The following PTPRK variants were observed in gnomAD, a reference collection of about 807,000 sequenced individuals.
PTPRK encodes the protein protein tyrosine phosphatase receptor type K.
Under a neutral mutation model 178.0 loss-of-function variants are expected in PTPRK, and 75 were observed. That is an observed-to-expected ratio of 0.42 (90% CI 0.35 to 0.51). The LOEUF (loss-of-function observed/expected upper bound fraction) is 0.51. PTPRK is among the 20% of genes least tolerant of loss of function. The pLI is 0.02. For missense variants in PTPRK, 1,441 were observed against 1,797.8 expected (o/e 0.80, Z 3.59); for synonymous variants, 637 against 620.6 (o/e 1.03, Z -0.39).
chr6:128,253,755 A>C (rs971478969), intron 3 of PTPRK, among the ~76,000 whole-genome samples: 1 of 152,226 alleles, frequency 6.6e-6, no homozygotes, highest in Non-Finnish European at 1.5e-5. Context: ...AATAGCTTTA[A>C]TTTATGCTTA....
intron 3 of PTPRK, among the ~76,000 whole-genome samples, chr6:128,268,668 C>T (rs369280191): frequency 3.3e-5 from 5 of 152,154 alleles, no homozygotes; most frequent in African/African-American, 1.2e-4. Flanking sequence ...ATTTGTTTTA[C>T]AATCTCTAAA....
intron 7 of PTPRK, among the ~76,000 whole-genome samples, chr6:128,170,517 C>A (rs1344924386): frequency 6.6e-6 from 1 of 151,966 alleles, no homozygotes; most frequent in Middle Eastern, 3.2e-3. Flanking sequence ...CTAAATCAAT[C>A]ACTTTATTTA....
chr6:128,082,710 T>C, intron 9 of PTPRK, 72 bp from the exon 10 acceptor site: 1 of 1,196,114 alleles, frequency 8.4e-7, no homozygotes, highest in Non-Finnish European at 1.2e-6. Context: ...TCTGTATAAA[T>C]AAGGTAGTAT....
At chr6:128,237,868 T>TA (rs1813581163) in intron 5 of PTPRK, 1 of 194,686 alleles carries the variant, frequency 5.1e-6, no homozygotes, top group African/African-American at 2.4e-5. Flanking sequence ...GCAAGTTTTT[T>TA]AAGTCACTGC....
chr6:128,010,939 C>T (rs13219424), intron 13 of PTPRK, among the ~76,000 whole-genome samples: 38,709 of 150,808 alleles, frequency 0.26, 5,974 homozygotes, highest in East Asian at 0.4. Context: ...AACAGAGATA[C>T]CTTAAGGCTT....
Position 128,240,657 on chromosome 6 carries a change from T to C in PTPRK, c.578-507A>G, listed in dbSNP as rs1431151445. ...AAAAACATCAATAGTTATAACCCTC[T>C]ACAGCACTTCAAAGAACAAGGGAAT... On this transcript the variant is annotated intron_variant, in intron 4 of 29. Coordinates refer to ENST00000368226, the MANE Select transcript of PTPRK (RefSeq NM_002844.4). 2.0e-5 allele frequency among the ~76,000 whole-genome samples: 3 copies of C among 152,200 alleles called. No homozygotes were observed. In the South Asian group the frequency reaches 6.2e-4, roughly 31 times the overall value.
At chr6:128,436,697 T>C (rs925085061) in intron 1 of PTPRK, among the ~76,000 whole-genome samples, 2 of 152,132 alleles carry the variant, frequency 1.3e-5, no homozygotes, top group Non-Finnish European at 2.9e-5. Flanking sequence ...ACCAGGTAAC[T>C]TGCCAAGATC....
chr6:128,190,089 G>A (rs1313547322), intron 6 of PTPRK, among the ~76,000 whole-genome samples: 1 of 152,046 alleles, frequency 6.6e-6, no homozygotes, highest in Non-Finnish European at 1.5e-5. Flanking sequence ...CAATTTATTT[G>A]GACATTTAAT....
intron 1 of PTPRK, among the ~76,000 whole-genome samples, chr6:128,504,053 C>T (rs1318413808): frequency 6.6e-6 from 1 of 152,078 alleles, no homozygotes; most frequent in African/African-American, 2.4e-5. Context: ...TGAAGGATAT[C>T]ATATTTGATA....
At chr6:128,162,327 T>A (rs1169344481) in intron 7 of PTPRK, among the ~76,000 whole-genome samples, 1 of 151,706 alleles carries the variant, frequency 6.6e-6, no homozygotes, top group Non-Finnish European at 1.5e-5. Flanking sequence ...CATTTTATCT[T>A]GTTTTGTCCT....
intron 6 of PTPRK, among the ~76,000 whole-genome samples, chr6:128,204,074 A>C (rs928208911): frequency 1.3e-5 from 2 of 152,042 alleles, no homozygotes; most frequent in African/African-American, 2.4e-5. Flanking sequence ...TACAAGAACA[A>C]ACACATAGAC....
chr6:128,301,304 A>C (rs182193537), intron 3 of PTPRK, among the ~76,000 whole-genome samples: 138 of 152,254 alleles, frequency 9.1e-4, no homozygotes, highest in Admixed American at 1.7e-3. Flanking sequence ...TTTAAATCTT[A>C]AAATCAGAAA....
chr6:128,324,112 A>G lies in PTPRK; in HGVS notation c.224-1802T>C, dbSNP rs574253599. On this transcript the variant is annotated intron_variant, in intron 2 of 29. Coordinates refer to ENST00000368226, the MANE Select transcript of PTPRK (RefSeq NM_002844.4). ...CCCTGAGATCTTGGATAAGTTACCT[A>G]GTGTTTGTTACTGGGCCTCAGCATC... Among the ~76,000 whole-genome samples the G allele has an allele frequency of 2.6e-5, 4 of 152,172 alleles. No homozygotes were observed. The South Asian group carries it at 8.3e-4, about 32-fold the overall frequency.
At chr6:128,516,990 T>C (rs1858137437) in intron 1 of PTPRK, among the ~76,000 whole-genome samples, 2 of 151,576 alleles carry the variant, frequency 1.3e-5, no homozygotes, top group Admixed American at 6.6e-5. Context: ...GACAAAATTA[T>C]GGTCTGGCCA....
intron 13 of PTPRK, among the ~76,000 whole-genome samples, chr6:128,047,286 AT>A (rs1778202668): frequency 6.6e-6 from 1 of 152,208 alleles, no homozygotes; most frequent in South Asian, 2.1e-4. Flanking sequence ...AAGGACTTAT[AT>A]CATCATTGCT....
At position 128,490,942 on chromosome 6, in the gene PTPRK, C is replaced by T. The variant is rs975756617; in HGVS notation, c.100+29317G>A. Among the ~76,000 whole-genome samples, 7 of 152,102 alleles carry T rather than the reference C, an allele frequency of 4.6e-5. No homozygotes were observed. The East Asian group carries it at 1.2e-3, about 25-fold the overall frequency. On this transcript the variant is annotated intron_variant, in intron 1 of 29. Coordinates refer to ENST00000368226, the MANE Select transcript of PTPRK (RefSeq NM_002844.4). ...GGACATCAGTCATAGTAGATTAGGG[C>T]CCACTCTTATGACATCATTTAACCT...
At chr6:128,236,456 C>G (rs188734262) in intron 5 of PTPRK, among the ~76,000 whole-genome samples, 1,527 of 146,744 alleles carry the variant, frequency 0.01, 23 homozygotes, top group African/African-American at 0.036. Context: ...TCAAGCAATT[C>G]TTCTGCCTCA....
chr6:128,514,850 G>C (rs536299551), intron 1 of PTPRK, among the ~76,000 whole-genome samples: 4 of 152,168 alleles, frequency 2.6e-5, no homozygotes, highest in African/African-American at 9.6e-5. Flanking sequence ...ACGAAACTAA[G>C]TTTTAAAATT....
chr6:128,021,281 T>A (rs560117569), intron 13 of PTPRK, among the ~76,000 whole-genome samples: 1 of 152,210 alleles, frequency 6.6e-6, no homozygotes, highest in Non-Finnish European at 1.5e-5. Flanking sequence ...CAATTCTAGA[T>A]AATCAACCTT....
Sources: allele counts gnomAD v4.1 joint callset (sites outside exome capture counted in the v4.1 genomes callset), GRCh38; gene constraint gnomAD v4.1.1; transcripts MANE v1.5; gene names NCBI Gene and HGNC (gene_info 2026-07-23, HGNC 2026-07-21).